The following RAPGEF4 variants were observed in gnomAD, a reference collection of about 807,000 sequenced individuals.
The protein encoded by RAPGEF4 is RAP guanine-nucleotide-exchange factor (GEF) 4.
A neutral mutation model predicts 147.9 loss-of-function variants in RAPGEF4; 66 were observed. That is an observed-to-expected ratio of 0.45 (90% CI 0.37 to 0.55). The LOEUF is 0.55. Among genes scored for constraint, RAPGEF4 ranks in the 20% least tolerant of loss-of-function variants. RAPGEF4 has a pLI of 0.00. For missense variants in RAPGEF4, 1,071 were observed against 1,257.3 expected, an observed-to-expected ratio of 0.85 and a Z score of 2.24; for synonymous variants, 419 against 442.7, an observed-to-expected ratio of 0.95 and a Z score of 0.67.
At chr2:172,895,220 C>T (rs1479946351) in intron 4 of RAPGEF4, among the ~76,000 whole-genome samples, 3 of 152,152 alleles carry the variant, frequency 2.0e-5, no homozygotes, top group Non-Finnish European at 4.4e-5. Flanking sequence ...GATTCCGTGT[C>T]CTGTTCAGAG....
At chr2:172,901,999 T>C (rs192532624) in intron 4 of RAPGEF4, among the ~76,000 whole-genome samples, 1 of 151,956 alleles carries the variant, frequency 6.6e-6, no homozygotes, top group East Asian at 1.9e-4. Context: ...TCATGAGGAC[T>C]GGGGGTTGGG....
At chr2:172,859,545 A>G (rs1325842885) in intron 4 of RAPGEF4, among the ~76,000 whole-genome samples, 2 of 152,190 alleles carry the variant, frequency 1.3e-5, no homozygotes, top group Non-Finnish European at 2.9e-5. Flanking sequence ...GATCTGCCCA[A>G]ATTTTTATAG....
chr2:172,799,993 A>G (rs762210002), intron 3 of RAPGEF4, among the ~76,000 whole-genome samples: 1 of 152,200 alleles, frequency 6.6e-6, no homozygotes, highest in African/African-American at 2.4e-5. Context: ...CCATAATAGC[A>G]GGGTTATTAG....
At chr2:172,744,394 C>A (rs548273855) in intron 1 of RAPGEF4, 106 of 456,330 alleles carry the variant, frequency 2.3e-4, no homozygotes, top group Non-Finnish European at 4.2e-4. Flanking sequence ...AAATGAGATT[C>A]CCAGTGCCTA....
At chr2:172,983,363 C>G in intron 10 of RAPGEF4, 133 bp from the exon 11 acceptor site, 1 of 1,463,012 alleles carries the variant, frequency 6.8e-7, no homozygotes. Context: ...CTGGTGCAAC[C>G]TCTCCCTCCG....
intron 6 of RAPGEF4, among the ~76,000 whole-genome samples, chr2:172,943,876 A>T (rs927420316): frequency 6.6e-5 from 10 of 152,300 alleles, no homozygotes; most frequent in African/African-American, 2.4e-4. Flanking sequence ...CTTTAAAAAT[A>T]TGGTAAGATC....
intron 4 of RAPGEF4, among the ~76,000 whole-genome samples, chr2:172,826,011 C>A (rs1220271068): frequency 6.6e-6 from 1 of 152,150 alleles, no homozygotes; most frequent in Non-Finnish European, 1.5e-5. Flanking sequence ...ATTTTATGAT[C>A]TGTAACAAAA....
intron 3 of RAPGEF4, among the ~76,000 whole-genome samples, chr2:172,811,431 A>T (rs1688008946): frequency 1.3e-5 from 2 of 152,262 alleles, no homozygotes; most frequent in African/African-American, 4.8e-5. Flanking sequence ...TTCCCTGCAT[A>T]GGTGCTGATT....
intron 1 of RAPGEF4, among the ~76,000 whole-genome samples, chr2:172,787,791 T>A (rs1478641733): frequency 6.6e-6 from 1 of 151,994 alleles, no homozygotes; most frequent in African/African-American, 2.4e-5. Context: ...GGCTCATTTT[T>A]AAATTTTTTG....
At chr2:172,749,056 AG>A (rs1206162691) in intron 1 of RAPGEF4, among the ~76,000 whole-genome samples, 1 of 152,212 alleles carries the variant, frequency 6.6e-6, no homozygotes, top group Non-Finnish European at 1.5e-5. Flanking sequence ...GTGGCTTTGC[AG>A]GGTACAGCCT....
chr2:173,038,870 T>G (rs1473312030), intron 29 of RAPGEF4, among the ~76,000 whole-genome samples: 1 of 152,214 alleles, frequency 6.6e-6, no homozygotes, highest in Non-Finnish European at 1.5e-5. Flanking sequence ...AGTTGTTTCA[T>G]CTGAGTTTTG....
chr2:173,013,463 T>C (rs1695212657), intron 17 of RAPGEF4, among the ~76,000 whole-genome samples: 1 of 152,264 alleles, frequency 6.6e-6, no homozygotes, highest in Non-Finnish European at 1.5e-5. Flanking sequence ...TGAAGTGAAG[T>C]ACTTTGTGTG....
chr2:173,026,230 A>C (rs1285398798), intron 23 of RAPGEF4, among the ~76,000 whole-genome samples: 1 of 152,218 alleles, frequency 6.6e-6, no homozygotes, highest in Non-Finnish European at 1.5e-5. Context: ...AAGGTCTCCC[A>C]GGACTTCTTC....
At chr2:172,873,209 T>C (rs1387185816) in intron 4 of RAPGEF4, among the ~76,000 whole-genome samples, 5 of 152,308 alleles carry the variant, frequency 3.3e-5, no homozygotes, top group Non-Finnish European at 7.3e-5. Flanking sequence ...AGACTAGGCA[T>C]TGGGAGACTC....
intron 4 of RAPGEF4, among the ~76,000 whole-genome samples, chr2:172,885,434 T>C (rs1416382267): frequency 1.3e-5 from 2 of 152,202 alleles, no homozygotes; most frequent in South Asian, 2.1e-4. Context: ...TCCCAGCTGG[T>C]CGCCCTGTGT....
intron 1 of RAPGEF4, among the ~76,000 whole-genome samples, chr2:172,787,414 G>T (rs1373248580): frequency 1.3e-5 from 2 of 151,886 alleles, no homozygotes; most frequent in African/African-American, 4.8e-5. Flanking sequence ...CTAACTTGCT[G>T]TCAGAAAGTT....
intron 1 of RAPGEF4, among the ~76,000 whole-genome samples, chr2:172,779,538 C>A (rs566821990): frequency 6.6e-6 from 1 of 152,174 alleles, no homozygotes; most frequent in Admixed American, 6.5e-5. Context: ...TAGTAGGAGA[C>A]GAGGTTCCAA....
At chr2:172,921,652 G>A (rs1218302426) in intron 5 of RAPGEF4, among the ~76,000 whole-genome samples, 1 of 152,198 alleles carries the variant, frequency 6.6e-6, no homozygotes, top group East Asian at 1.9e-4. Context: ...GAATAGGACT[G>A]CCTGTAGTAG....
At chr2:172,853,997 TC>T (rs1391344677) in intron 4 of RAPGEF4, among the ~76,000 whole-genome samples, 32 of 152,062 alleles carry the variant, frequency 2.1e-4, no homozygotes, top group Admixed American at 8.5e-4. Context: ...TGTTGAGATT[TC>T]TTTATATTTA....
Sources: allele counts gnomAD v4.1 joint callset (sites outside exome capture counted in the v4.1 genomes callset), GRCh38; gene constraint gnomAD v4.1.1; transcripts MANE v1.5; gene names NCBI Gene and HGNC (gene_info 2026-07-23, HGNC 2026-07-21).